BARD1: variants seen among roughly 807,000 people sequenced by gnomAD.
The protein encoded by BARD1 is BRCA1-associated RING domain protein 1.
Under a neutral mutation model 77.0 loss-of-function variants are expected in BARD1, and 73 were observed. That is an observed-to-expected ratio of 0.95 (90% CI 0.79 to 1.15). BARD1 has a LOEUF of 1.15. Ranked by LOEUF, BARD1 falls within the 50% of genes most tolerant of loss-of-function variation. The pLI is 0.00. For missense variants in BARD1, 993 were observed against 938.8 expected (o/e 1.06, Z -0.75); for synonymous variants, 384 against 338.0 (o/e 1.14, Z -1.49).
At chr2:214,803,668 T>G (rs1696135096) in intron 1 of BARD1, among the ~76,000 whole-genome samples, 1 of 152,300 alleles carries the variant, frequency 6.6e-6, no homozygotes, top group East Asian at 1.9e-4. Flanking sequence ...GAAACACCCA[T>G]GAATGATCAA....
At chr2:214,770,222 C>T (rs1244792440) in intron 4 of BARD1, among the ~76,000 whole-genome samples, 1 of 152,226 alleles carries the variant, frequency 6.6e-6, no homozygotes, top group African/African-American at 2.4e-5. Context: ...TTTTATCCCC[C>T]TGCTCCCCGC....
rs757281184 is a variant in BARD1, at chr2:214,752,530, C to T, written c.1594G>A (p.Asp532Asn). 15 of 1,613,608 alleles carry T rather than the reference C, an allele frequency of 9.3e-6. No individual in the cohort carries two copies. Among genetic ancestry groups the T allele is most frequent in the East Asian group, 4.5e-5 (2 of 44,816 alleles). Residue 532 changes from aspartate to asparagine, a missense_variant, in exon 7 of 11, where the codon GAT (aspartate) becomes AAT (asparagine). Physicochemically the swap from Asp to Asn is conservative, Grantham distance 23. Transcript: ENST00000260947. ...AVNIFGLRPV[D>N]YTDDESMKSL... ...TTCATACTTTCATCATCTGTATAAT[C>T]GACAGGCCGCAGACCAAATATATTA...
At chr2:214,784,271 C>T (rs911408256) in intron 3 of BARD1, among the ~76,000 whole-genome samples, 5 of 151,426 alleles carry the variant, frequency 3.3e-5, no homozygotes, top group East Asian at 3.9e-4. Context: ...CCAACAAACA[C>T]GAAAAAAAAG....
intron 6 of BARD1, among the ~76,000 whole-genome samples, chr2:214,757,267 C>G (rs139389385): frequency 1.3e-5 from 2 of 151,024 alleles, no homozygotes; most frequent in East Asian, 3.9e-4. Context: ...CTTGACAACA[C>G]AGTACACTGG....
At position 214,725,754 on chromosome 2, in the gene BARD1, A is replaced by G. The variant is rs142294192; in HGVS notation, c.*2922T>C. On this transcript the variant is annotated 3_prime_UTR_variant, in exon 11 of 11. Transcript: ENST00000260947. ...TACAATCTGTAGCTCAATCTATCAA[A>G]GAAAATGGTGGCTTTTAGTAATTAA... 3.1e-4 allele frequency: 69 copies of G among 225,108 alleles called. No homozygotes were observed. The highest frequency in any genetic ancestry group is 1.5e-3 in the African/African-American group (67 of 45,100). The allele number at this position is 225,108 out of a possible 1,614,324, so 13.9% of individuals were successfully genotyped here.
chr2:214,740,286 A>T (rs1315829161), intron 9 of BARD1, among the ~76,000 whole-genome samples: 1 of 152,044 alleles, frequency 6.6e-6, no homozygotes, highest in African/African-American at 2.4e-5. Flanking sequence ...GGGAGGAATA[A>T]ATACATGCAG....
At chr2:214,778,629 C>A (rs912541506) in intron 4 of BARD1, among the ~76,000 whole-genome samples, 1 of 152,088 alleles carries the variant, frequency 6.6e-6, no homozygotes, top group African/African-American at 2.4e-5. Flanking sequence ...CAAACTATAG[C>A]CTATGGGCCA....
In BARD1 at chr2:214,727,625, T is replaced by C. The variant is rs1223112297; in HGVS notation, c.*1051A>G. 3 of 231,424 alleles carry C rather than the reference T, an allele frequency of 1.3e-5. No individual in the cohort carries two copies. The highest frequency in any genetic ancestry group is 2.6e-5 in the Non-Finnish European group (3 of 117,008). 14.3% of individuals were successfully genotyped at this position (231,424 alleles called of 1,614,324 possible). On this transcript the variant is annotated 3_prime_UTR_variant, in exon 11 of 11. Transcript: ENST00000260947. ...CACTAAGGCCTTGCCTATTTGATAT[T>C]AGTAAGCCCTCCCCATACCTACTTC... is the stretch of plus-strand genomic sequence containing the variant.
At chr2:214,761,190 T>C (rs1301148516) in intron 6 of BARD1, among the ~76,000 whole-genome samples, 1 of 151,826 alleles carries the variant, frequency 6.6e-6, no homozygotes, top group Non-Finnish European at 1.5e-5. Flanking sequence ...ATATAATATG[T>C]GAGTTATCAA....
At chr2:214,775,858 T>G (rs976605527) in intron 4 of BARD1, among the ~76,000 whole-genome samples, 1 of 152,198 alleles carries the variant, frequency 6.6e-6, no homozygotes, top group Non-Finnish European at 1.5e-5. Context: ...CTTGAAAATA[T>G]CACATATGCC....
At chr2:214,760,779 CTTT>C (rs398061047) in intron 6 of BARD1, among the ~76,000 whole-genome samples, 2 of 141,302 alleles carry the variant, frequency 1.4e-5, no homozygotes, top group Admixed American at 7.1e-5. Context: ...GGACTTTTTT[CTTT>C]TTTTTTTTTT....
At chr2:214,808,550 C>T (rs1696386414) in intron 1 of BARD1, among the ~76,000 whole-genome samples, 2 of 152,132 alleles carry the variant, frequency 1.3e-5, no homozygotes, top group African/African-American at 4.8e-5. Context: ...AAAAAAACTG[C>T]CAGTGATCTT....
chr2:214,746,590 CCATA>C (rs1693128111), intron 7 of BARD1, among the ~76,000 whole-genome samples: 1 of 126,182 alleles, frequency 7.9e-6, no homozygotes. Context: ...CAATATATGT[CCATA>C]TATATATATA....
At chr2:214,802,877 A>T (rs761456656) in intron 1 of BARD1, among the ~76,000 whole-genome samples, 10 of 152,124 alleles carry the variant, frequency 6.6e-5, no homozygotes, top group Non-Finnish European at 1.5e-4. Context: ...CATGTAGTTG[A>T]TTTAGAAAGA....
chr2:214,769,135 T>C (rs1252311826), intron 5 of BARD1, 97 bp downstream of exon 5: 2 of 966,932 alleles, frequency 2.1e-6, no homozygotes, highest in Admixed American at 2.1e-5. Flanking sequence ...CTAAAAAGAG[T>C]ATATGTGGCA....
At chr2:214,809,357 C>A (rs1346189716) in intron 1 of BARD1, 55 bp downstream of exon 1, 43 of 1,605,092 alleles carry the variant, frequency 2.7e-5, no homozygotes, top group Non-Finnish European at 3.7e-5. Context: ...CTGCCGCCCC[C>A]AGAAACTGTG....
intron 2 of BARD1, among the ~76,000 whole-genome samples, chr2:214,794,829 T>C (rs1695687995): frequency 6.6e-6 from 1 of 152,220 alleles, no homozygotes; most frequent in Non-Finnish European, 1.5e-5. Flanking sequence ...TACCATAATT[T>C]TTGGCATCAT....
rs150016944 is a variant in BARD1, at chr2:214,757,633, TA to T, written c.1569-5079del. ...GAATGAATATATTTGTATAAACAAG[TA>T]GGGGGAAAAGTCACAAACTCTGTTT... is the stretch of plus-strand genomic sequence containing the variant. On this transcript the variant is annotated intron_variant, in intron 6 of 10. Coordinates refer to ENST00000260947, the MANE Select transcript of BARD1 (RefSeq NM_000465.4). Among the ~76,000 whole-genome samples, 1,331 of 152,176 alleles carry T rather than the reference TA, an allele frequency of 8.7e-3. 24 individuals carry two copies. The highest frequency in any genetic ancestry group is 0.031 in the African/African-American group (1,282 of 41,502).
intron 3 of BARD1, among the ~76,000 whole-genome samples, chr2:214,790,371 T>G (rs752527994): frequency 6.6e-6 from 1 of 152,112 alleles, no homozygotes; most frequent in Non-Finnish European, 1.5e-5. Context: ...GAAGCGATAC[T>G]GGAGTAGGGT....
Sources: gnomAD v4.1 joint callset for allele counts (sites outside exome capture counted in the v4.1 genomes callset) on GRCh38, gnomAD v4.1.1 for gene constraint, MANE v1.5 for transcripts, NCBI Gene and HGNC (gene_info 2026-07-23, HGNC 2026-07-21) for gene names.